The following TEC variants were observed in gnomAD, a reference collection of about 807,000 sequenced individuals.
The protein encoded by TEC is tyrosine-protein kinase Tec.
In TEC, 72 loss-of-function variants were observed where a neutral mutation model predicts 93.0. That is an observed-to-expected ratio of 0.77 (90% CI 0.64 to 0.94). TEC has a LOEUF of 0.94. Ranked by LOEUF, TEC falls within the 40% of genes least tolerant of loss-of-function variation. The pLI, the probability that TEC is intolerant of heterozygous loss-of-function variation, is 0.00. For synonymous variants in TEC, 249 were observed against 247.7 expected (o/e 1.01, Z -0.05); for missense variants, 630 against 757.9 (o/e 0.83, Z 1.98).
intron 2 of TEC, among the ~76,000 whole-genome samples, chr4:48,212,098 CAA>C (rs59441112): frequency 5.8e-5 from 5 of 86,540 alleles, no homozygotes; most frequent in East Asian, 3.2e-4. Context: ...GACTCTGTCT[CAA>C]AAAAAAAAAA....
rs1438827121 is a variant in TEC, at chr4:48,145,439, C to A, written c.1222G>T (p.Glu408Ter). 6.2e-7 allele frequency: 1 copy of A among 1,614,152 alleles called. No individual in the cohort carries two copies. The highest frequency in any genetic ancestry group is 1.1e-5 in the South Asian group (1 of 91,082). ...KAIREGAMCE[E>*]DFIEEAKVMM... is the part of the protein sequence containing the mutation. ...ACTTTAGCTTCTTCTATAAAGTCCT[C>A]CTCGCACATTGCACCTTCCCGAATA... The change falls in exon 13 of 18, where the codon GAG (glutamate) becomes TAG (stop). Residue 408 changes from glutamate (E) to a stop codon, truncating the protein, a stop_gained. Coordinates refer to ENST00000381501, the MANE Select transcript of TEC (RefSeq NM_003215.3). LOFTEE classifies it high-confidence loss of function.
intron 2 of TEC, among the ~76,000 whole-genome samples, chr4:48,216,484 T>C (rs1209795219): frequency 1.4e-5 from 2 of 147,604 alleles, no homozygotes; most frequent in Admixed American, 1.4e-4. Flanking sequence ...GTTACACAAA[T>C]TGTGATGTCA....
intron 7 of TEC, among the ~76,000 whole-genome samples, chr4:48,166,154 C>T (rs1312551383): frequency 6.6e-6 from 1 of 152,120 alleles, no homozygotes; most frequent in Admixed American, 6.5e-5. Context: ...TTTTGCAAGC[C>T]ACGCAGTAAG....
chr4:48,157,037 T>C (rs1478434161), intron 8 of TEC, among the ~76,000 whole-genome samples: 1 of 152,236 alleles, frequency 6.6e-6, no homozygotes, highest in African/African-American at 2.4e-5. Context: ...AGGATATTTT[T>C]GCAAATCAAT....
intron 2 of TEC, among the ~76,000 whole-genome samples, chr4:48,178,700 G>A (rs779280031): frequency 2.6e-5 from 4 of 152,160 alleles, no homozygotes; most frequent in South Asian, 4.1e-4. Context: ...CCAGAGCAGG[G>A]AGAAGGAAGG....
rs547490435 is a variant in TEC, at chr4:48,150,568, C to A, written c.872+295G>T. On this transcript the variant is annotated intron_variant, in intron 10 of 17. Transcript: ENST00000381501. ...AACCTACTGGTGGGCAGGGTCTCTG[C>A]CTCCTTTGCTCATATTTTTATCCTT... Among the ~76,000 whole-genome samples, 5 of 152,268 alleles carry A rather than the reference C, an allele frequency of 3.3e-5. No homozygotes were observed. The East Asian group carries it at 7.7e-4, about 24-fold the overall frequency.
intron 1 of TEC, among the ~76,000 whole-genome samples, chr4:48,231,797 C>T (rs1019397190): frequency 1.4e-4 from 22 of 152,022 alleles, no homozygotes; most frequent in Non-Finnish European, 2.6e-4. Context: ...GAAGAGCAAG[C>T]GATGCTCTCA....
At chr4:48,221,788 G>A (rs1415430331) in intron 2 of TEC, among the ~76,000 whole-genome samples, 3 of 152,106 alleles carry the variant, frequency 2.0e-5, no homozygotes, top group Admixed American at 6.6e-5. Context: ...TAATCACATG[G>A]TTGGCTCCCC....
In TEC at chr4:48,137,401, C is replaced by T; in HGVS notation, c.*15G>A. ...CTTGTGCTTGGGAATCTGGGAGCCA[C>T]TGGTCACACATCACTTATCTTCCAA... On this transcript the variant is annotated 3_prime_UTR_variant, in exon 18 of 18. Coordinates refer to ENST00000381501, the MANE Select transcript of TEC (RefSeq NM_003215.3). The T allele has an allele frequency of 6.2e-7, 1 of 1,610,328 alleles. No homozygotes were observed. The highest frequency in any genetic ancestry group is 8.5e-7 in the Non-Finnish European group (1 of 1,177,446).
chr4:48,229,433 A>G (rs1176274798), intron 1 of TEC, among the ~76,000 whole-genome samples: 1 of 152,252 alleles, frequency 6.6e-6, no homozygotes, highest in Non-Finnish European at 1.5e-5. Flanking sequence ...TTGAAGATTC[A>G]TATTTGAGAC....
chr4:48,234,122 G>T (rs1210608299), intron 1 of TEC, among the ~76,000 whole-genome samples: 1 of 152,168 alleles, frequency 6.6e-6, no homozygotes, highest in Non-Finnish European at 1.5e-5. Flanking sequence ...CAAGGGTAAT[G>T]CCAGAGAGTA....
At chr4:48,212,772 T>C (rs545091305) in intron 2 of TEC, among the ~76,000 whole-genome samples, 2 of 152,314 alleles carry the variant, frequency 1.3e-5, no homozygotes, top group Non-Finnish European at 2.9e-5. Flanking sequence ...ACGCCAGGTC[T>C]CAAGAGACCC....
intron 1 of TEC, among the ~76,000 whole-genome samples, chr4:48,252,420 T>G (rs1724228380): frequency 6.6e-6 from 1 of 152,340 alleles, no homozygotes; most frequent in East Asian, 1.9e-4. Context: ...CATTTCAAGT[T>G]GTCCCTTCTT....
intron 1 of TEC, among the ~76,000 whole-genome samples, chr4:48,254,915 CAG>C (rs1221177346): frequency 1.3e-5 from 2 of 151,768 alleles, no homozygotes; most frequent in African/African-American, 4.9e-5. Context: ...GAACATGGTG[CAG>C]AGTCTACAGG....
At chr4:48,148,567 C>A (rs1365282235) in intron 11 of TEC, among the ~76,000 whole-genome samples, 1 of 152,154 alleles carries the variant, frequency 6.6e-6, no homozygotes, top group Non-Finnish European at 1.5e-5. Flanking sequence ...CTCTGGAAAC[C>A]TATAGCATAG....
chr4:48,151,082 A>G (rs746805985), intron 9 of TEC, 140 bp from the exon 10 acceptor site: 18 of 525,692 alleles, frequency 3.4e-5, no homozygotes, highest in Non-Finnish European at 5.6e-5. Flanking sequence ...AGCACAACTT[A>G]CCAGTAGGGC....
Position 48,257,270 on chromosome 4 carries a change from A to G in TEC, c.-46+12482T>C, listed in dbSNP as rs562186757. On this transcript the variant is annotated intron_variant, in intron 1 of 17. Transcript: ENST00000381501. ...TTAAGGTGACTACTAGAAAATTTTA[A>G]ATTACATATGTGGCTTACAGAATAT... 1.9e-3 allele frequency among the ~76,000 whole-genome samples: 295 copies of G among 152,308 alleles called. 1 individual carries two copies. Among genetic ancestry groups the G allele is most frequent in the African/African-American group, 6.6e-3 (275 of 41,570 alleles).
At chr4:48,193,241 C>T (rs1722155948) in intron 2 of TEC, among the ~76,000 whole-genome samples, 1 of 151,884 alleles carries the variant, frequency 6.6e-6, no homozygotes, top group Non-Finnish European at 1.5e-5. Context: ...CCTCCCACCT[C>T]AGCCTCCTGA....
intron 2 of TEC, among the ~76,000 whole-genome samples, chr4:48,182,848 A>T (rs1279489106): frequency 6.6e-6 from 1 of 152,112 alleles, no homozygotes; most frequent in Non-Finnish European, 1.5e-5. Context: ...GTGAGAAAAA[A>T]ATGTATACAA....
Sources: allele counts gnomAD v4.1 joint callset (sites outside exome capture counted in the v4.1 genomes callset), GRCh38; gene constraint gnomAD v4.1.1; transcripts MANE v1.5; gene names NCBI Gene and HGNC (gene_info 2026-07-23, HGNC 2026-07-21).